The following PDGFRL variants were observed in gnomAD, a reference collection of about 807,000 sequenced individuals.
PDGFRL encodes the protein platelet derived growth factor receptor like.
Under a neutral mutation model 37.2 loss-of-function variants are expected in PDGFRL, and 46 were observed. The ratio of observed to expected loss-of-function variants is 1.24; its 90% CI spans 0.98 to 1.58. PDGFRL has a LOEUF of 1.58. Ranked by LOEUF, PDGFRL falls within the 40% of genes most tolerant of loss-of-function variation. PDGFRL has a pLI of 0.00. For missense variants in PDGFRL, 692 were observed against 467.6 expected, an observed-to-expected ratio of 1.48 and a Z score of -4.43; for synonymous variants, 251 against 184.3, an observed-to-expected ratio of 1.36 and a Z score of -2.93.
chr8:17,640,494 C>T (rs1027012344), intron 5 of PDGFRL, among the ~76,000 whole-genome samples: 2 of 152,156 alleles, frequency 1.3e-5, no homozygotes, highest in Non-Finnish European at 2.9e-5. Context: ...TGCTCTCCCC[C>T]TTCCCCTATG....
At chr8:17,585,700 C>T (rs990505537) in intron 1 of PDGFRL, among the ~76,000 whole-genome samples, 1 of 152,108 alleles carries the variant, frequency 6.6e-6, no homozygotes, top group East Asian at 1.9e-4. Context: ...CCCAACAGCT[C>T]TAGCGCTTTG....
intron 1 of PDGFRL, among the ~76,000 whole-genome samples, chr8:17,587,892 A>C (rs1169130156): frequency 6.6e-6 from 1 of 152,016 alleles, no homozygotes; most frequent in African/African-American, 2.4e-5. Context: ...GGCCTCCCAA[A>C]ATGCTGGGAT....
At chr8:17,577,388 A>C in intron 1 of PDGFRL, 81 bp downstream of exon 1, 1 of 1,225,376 alleles carries the variant, frequency 8.2e-7, no homozygotes, top group Non-Finnish European at 1.2e-6. Flanking sequence ...CCCTCCTGCC[A>C]GCTCTTGGTC....
intron 2 of PDGFRL, among the ~76,000 whole-genome samples, chr8:17,602,995 A>G (rs1323109772): frequency 6.6e-6 from 1 of 152,098 alleles, no homozygotes; most frequent in Non-Finnish European, 1.5e-5. Context: ...TTATTTATTT[A>G]TTTTTGGAGA....
At chr8:17,579,748 C>T (rs1162815236) in intron 1 of PDGFRL, among the ~76,000 whole-genome samples, 3 of 151,754 alleles carry the variant, frequency 2.0e-5, no homozygotes, top group Non-Finnish European at 4.4e-5. Flanking sequence ...GGCCTGTGAC[C>T]CAATGAAGCT....
intron 2 of PDGFRL, among the ~76,000 whole-genome samples, chr8:17,594,385 C>T (rs1804007524): frequency 6.6e-6 from 1 of 151,296 alleles, no homozygotes; most frequent in Admixed American, 6.6e-5. Context: ...GAATTACAGG[C>T]ACACACCACC....
At chr8:17,632,856 C>T (rs1382079272) in intron 4 of PDGFRL, among the ~76,000 whole-genome samples, 1 of 152,126 alleles carries the variant, frequency 6.6e-6, no homozygotes, top group African/African-American at 2.4e-5. Flanking sequence ...CTGGTGTCTC[C>T]CTGCTTCTCC....
intron 2 of PDGFRL, among the ~76,000 whole-genome samples, chr8:17,605,843 C>A (rs1005793116): frequency 1.4e-4 from 21 of 152,118 alleles, no homozygotes; most frequent in African/African-American, 2.4e-5. Flanking sequence ...GTGCGTGGGG[C>A]ACAGGAGATC....
Position 17,593,980 on chromosome 8 carries a change from C to T in PDGFRL, c.353+4215C>T, listed in dbSNP as rs78660190. 4.0e-4 allele frequency among the ~76,000 whole-genome samples: 61 copies of T among 152,084 alleles called. 1 individual carries two copies. The highest frequency in any genetic ancestry group is 1.8e-3 in the Admixed American group (27 of 15,272). ...ATGGTTGTATAATAGACCTCTAGAC[C>T]GTTTTCATCTTGCATGGCCGAAACT... On this transcript the variant is annotated intron_variant, in intron 2 of 5. Coordinates refer to ENST00000251630, the MANE Select transcript of PDGFRL (RefSeq NM_001372073.1).
chr8:17,642,347 T>TAG (rs1193849534), intron 5 of PDGFRL, among the ~76,000 whole-genome samples: 2 of 152,228 alleles, frequency 1.3e-5, no homozygotes, highest in African/African-American at 4.8e-5. Flanking sequence ...GCATACATTT[T>TAG]AGATTAAGTA....
intron 3 of PDGFRL, among the ~76,000 whole-genome samples, chr8:17,623,341 T>G (rs1001377439): frequency 6.6e-6 from 1 of 152,216 alleles, no homozygotes; most frequent in African/African-American, 2.4e-5. Flanking sequence ...GATCTTCATT[T>G]TGGAACTCGC....
At chr8:17,596,165 G>A in intron 2 of PDGFRL, 1 of 400,582 alleles carries the variant, frequency 2.5e-6, no homozygotes, top group Non-Finnish European at 4.4e-6. Context: ...GTGAGAAGTG[G>A]CCGGAGGCAG....
intron 2 of PDGFRL, among the ~76,000 whole-genome samples, chr8:17,610,628 G>C (rs924458471): frequency 6.6e-6 from 1 of 152,130 alleles, no homozygotes; most frequent in Non-Finnish European, 1.5e-5. Flanking sequence ...TACATGAGAA[G>C]GGCCAGGCGC....
chr8:17,628,609 G>T lies in PDGFRL; in HGVS notation c.628G>T (p.Glu210Ter). The change falls in exon 4 of 6, where the codon GAA becomes TAA. Residue 210 changes from glutamate (E) to a stop codon, truncating the protein, a stop_gained. Coordinates refer to ENST00000251630, the MANE Select transcript of PDGFRL (RefSeq NM_001372073.1). LOFTEE classifies it high-confidence loss of function. ...VLSAKVTLHR[E>*]FPAKEIPANG... ...GTCGGCCAAAGTCACGCTCCACAGG[G>T]AATTCCCAGCCAAGGAGATCCCAGC... 6.2e-7 allele frequency: 1 copy of T among 1,614,198 alleles called. No individual in the cohort carries two copies. The highest frequency in any genetic ancestry group is 8.5e-7 in the Non-Finnish European group (1 of 1,180,040).
At chr8:17,588,446 G>A (rs192322963) in intron 1 of PDGFRL, among the ~76,000 whole-genome samples, 1,682 of 152,156 alleles carry the variant, frequency 0.011, 16 homozygotes, top group Non-Finnish European at 0.019. Flanking sequence ...GGAGGCCTAC[G>A]TGGGAGGGTT....
In PDGFRL at chr8:17,642,591, C is replaced by G. The variant is rs139202189; in HGVS notation, c.940-22C>G. The stretch of plus-strand genomic sequence containing the variant: ...AGCAGCTTGTCCCTCTTGCTTCAGT[C>G]TTTGTGGGTGTCGTTAAACAGGATG... On this transcript the variant is annotated intron_variant, in intron 5 of 5. Transcript: ENST00000251630. The G allele has an allele frequency of 7.6e-3, 11,566 of 1,530,380 alleles. 58 individuals carry two copies. Among genetic ancestry groups the G allele is most frequent in the Middle Eastern group, 0.019 (108 of 5,576 alleles). The allele number at this position is 1,530,380 out of a possible 1,614,324, so 94.8% of individuals were successfully genotyped here.
chr8:17,602,727 T>G (rs1198032790), intron 2 of PDGFRL, among the ~76,000 whole-genome samples: 1 of 151,692 alleles, frequency 6.6e-6, no homozygotes, highest in Admixed American at 6.6e-5. Flanking sequence ...GCTCTTGGAG[T>G]TCTGGTCTAC....
chr8:17,636,232 T>A (rs1804967334), intron 5 of PDGFRL, among the ~76,000 whole-genome samples: 2 of 152,256 alleles, frequency 1.3e-5, no homozygotes, highest in Non-Finnish European at 2.9e-5. Flanking sequence ...TCTTCTAGAA[T>A]TTTTATGGTT....
At chr8:17,583,425 C>T (rs1434246155) in intron 1 of PDGFRL, among the ~76,000 whole-genome samples, 5 of 152,184 alleles carry the variant, frequency 3.3e-5, no homozygotes, top group African/African-American at 1.2e-4. Flanking sequence ...TTTCCAGGCT[C>T]ACAGCTGTAA....
Sources: gnomAD v4.1 joint callset for allele counts (sites outside exome capture counted in the v4.1 genomes callset) on GRCh38, gnomAD v4.1.1 for gene constraint, MANE v1.5 for transcripts, NCBI Gene and HGNC (gene_info 2026-07-23, HGNC 2026-07-21) for gene names.